Variants in KCNQ3 observed in about 807,000 individuals in gnomAD.
KCNQ3 encodes the protein potassium voltage-gated channel subfamily KQT member 3.
A neutral mutation model predicts 92.5 loss-of-function variants in KCNQ3; 30 were observed. That is an observed-to-expected ratio of 0.32 (90% confidence interval 0.24 to 0.44). The LOEUF (loss-of-function observed/expected upper bound fraction) is 0.44, where lower values mean the gene tolerates loss of function less well. Ranked by LOEUF, KCNQ3 falls within the 20% of genes least tolerant of loss-of-function variation. The probability of loss-of-function intolerance (pLI) is 1.00; values close to 1 mark genes in which losing one functional copy is unlikely to be tolerated. For synonymous variants in KCNQ3, 450 were observed against 468.8 expected, an observed-to-expected ratio of 0.96 and a Z score of 0.52; for missense variants, 913 against 1,140.3, an observed-to-expected ratio of 0.80 and a Z score of 2.87.
intron 1 of KCNQ3, among the ~76,000 whole-genome samples, chr8:132,453,509 C>T (rs996440880): frequency 3.0e-4 from 46 of 152,138 alleles, no homozygotes; most frequent in African/African-American, 1.0e-3. Context: ...ACAGTAGAGC[C>T]TGGGGCCTAA....
Position 132,403,019 on chromosome 8 carries a change from A to AAACAAAAAC in KCNQ3, c.386+77127_386+77128insGTTTTTGTT, listed in dbSNP as rs796634271. Among the ~76,000 whole-genome samples the AAACAAAAAC allele has an allele frequency of 1.9e-4, 29 of 148,838 alleles. 2 individuals are homozygous for AAACAAAAAC. The highest frequency in any genetic ancestry group is 7.2e-4 in the African/African-American group (29 of 40,336). On this transcript the variant is annotated intron_variant, in intron 1 of 14. Transcript: ENST00000388996. ...GCAACAGGGCGAGGCACCATCACAA[A>AAACAAAAAC]AAAAAAAAAAAAAGTGTCAATATTG...
In KCNQ3 at chr8:132,125,736, A is replaced by G. The variant is rs1056383961; in HGVS notation, c.*3526T>C. Reference sequence around the variant, plus strand: ...TGCATAATTGTTGATTAATTAGTTCATTTTAACCTATACACCTTGGGGTTA... The same window carrying G: ...TGCATAATTGTTGATTAATTAGTTCGTTTTAACCTATACACCTTGGGGTTA... On this transcript the variant is annotated 3_prime_UTR_variant, in exon 15 of 15. Transcript: ENST00000388996. 1 of 152,176 alleles carries G rather than the reference A, an allele frequency of 6.6e-6. No homozygotes were observed. The highest frequency in any genetic ancestry group is 1.5e-5 in the Non-Finnish European group (1 of 68,032). The allele number at this position is 152,176 out of a possible 1,614,324, so 9.4% of individuals were successfully genotyped here.
At chr8:132,429,998 T>C (rs1398191639) in intron 1 of KCNQ3, among the ~76,000 whole-genome samples, 1 of 152,124 alleles carries the variant, frequency 6.6e-6, no homozygotes, top group Non-Finnish European at 1.5e-5. Context: ...AAAAGTGTTT[T>C]CTCATTCTCA....
intron 1 of KCNQ3, among the ~76,000 whole-genome samples, chr8:132,213,500 GGCT>G (rs1813929852): frequency 6.6e-6 from 1 of 152,208 alleles, no homozygotes; most frequent in Non-Finnish European, 1.5e-5. Context: ...GTCCAAGAAT[GGCT>G]GCTGACAACT....
At chr8:132,332,196 G>A (rs762788142) in intron 1 of KCNQ3, among the ~76,000 whole-genome samples, 3 of 152,176 alleles carry the variant, frequency 2.0e-5, no homozygotes, top group Non-Finnish European at 4.4e-5. Context: ...ATGGAGAGGT[G>A]CCTGTGGGGA....
intron 1 of KCNQ3, among the ~76,000 whole-genome samples, chr8:132,290,902 G>A (rs1816818007): frequency 6.6e-6 from 1 of 152,172 alleles, no homozygotes; most frequent in South Asian, 2.1e-4. Flanking sequence ...TGTTCTGTCT[G>A]GAAGGGACAG....
At chr8:132,146,029 G>A (rs1457790651) in intron 9 of KCNQ3, among the ~76,000 whole-genome samples, 1 of 152,240 alleles carries the variant, frequency 6.6e-6, no homozygotes, top group Non-Finnish European at 1.5e-5. Context: ...GGCACCAGAT[G>A]AGATCAGAGT....
At position 132,208,630 on chromosome 8, in the gene KCNQ3, C is replaced by G. The variant is rs187013260; in HGVS notation, c.387-22449G>C. ...GAGGGGTAGTAAGGGAAAGGAATAT[C>G]AGGGTCAGAAAATATGATTTTAAGT... On this transcript the variant is annotated intron_variant, in intron 1 of 14. Transcript: ENST00000388996. Among the ~76,000 whole-genome samples, 6 of 152,220 alleles carry G rather than the reference C, an allele frequency of 3.9e-5. No individual in the cohort carries two copies. The East Asian group carries it at 9.7e-4, about 25-fold the overall frequency.
intron 1 of KCNQ3, among the ~76,000 whole-genome samples, chr8:132,455,238 A>G (rs933753023): frequency 6.6e-5 from 10 of 151,882 alleles, no homozygotes; most frequent in Non-Finnish European, 1.5e-4. Context: ...TCCCGAGTAG[A>G]TGGGATTACA....
At chr8:132,388,631 G>C (rs181487289) in intron 1 of KCNQ3, among the ~76,000 whole-genome samples, 1 of 152,164 alleles carries the variant, frequency 6.6e-6, no homozygotes, top group East Asian at 1.9e-4. Context: ...GATGAGAGGG[G>C]TTAAAGTTTC....
chr8:132,129,735 C>T lies in KCNQ3; in HGVS notation c.2146G>A (p.Asp716Asn), dbSNP rs149324120. Reference protein sequence around the residue: ...KVSPYGFFAHDPVNLPRGGPS... With the variant: ...KVSPYGFFAHNPVNLPRGGPS... ...CCCCCTCGGGGCAGGTTCACAGGGTCATGTGCAAAAAACCCATAGGGGCTG... is the reference window on the plus strand; with the variant it reads ...CCCCCTCGGGGCAGGTTCACAGGGTTATGTGCAAAAAACCCATAGGGGCTG... The change falls in exon 15 of 15, where the codon GAC (aspartate) becomes AAC (asparagine). Residue 716 changes from aspartate to asparagine, a missense_variant. Physicochemically the swap from Asp to Asn is conservative, Grantham distance 23 (BLOSUM62 1). Coordinates refer to ENST00000388996, the MANE Select transcript of KCNQ3 (RefSeq NM_004519.4). This position sits in a 1 kb window ranked among gnomAD's most constrained non-coding sequence, Gnocchi z 5.9. The T allele has an allele frequency of 2.5e-6, 4 of 1,614,114 alleles. No individual in the cohort carries two copies. In the South Asian group the frequency reaches 4.4e-5, roughly 18 times the overall value.
intron 1 of KCNQ3, among the ~76,000 whole-genome samples, chr8:132,198,247 G>A (rs931669141): frequency 6.6e-6 from 1 of 152,160 alleles, no homozygotes; most frequent in African/African-American, 2.4e-5. Context: ...TGAGCCTTTG[G>A]ATGAGCCCCC....
intron 1 of KCNQ3, among the ~76,000 whole-genome samples, chr8:132,245,681 G>A (rs1013519273): frequency 1.3e-4 from 20 of 151,936 alleles, no homozygotes; most frequent in Admixed American, 9.2e-4. Flanking sequence ...CACACTCAAC[G>A]TATCATTTTC....
At chr8:132,432,949 C>G (rs528906418) in intron 1 of KCNQ3, among the ~76,000 whole-genome samples, 3 of 152,148 alleles carry the variant, frequency 2.0e-5, no homozygotes, top group Non-Finnish European at 4.4e-5. Context: ...CAAACAGACA[C>G]GGCAACTACA....
At chr8:132,303,639 A>G (rs1198940345) in intron 1 of KCNQ3, among the ~76,000 whole-genome samples, 11 of 41,338 alleles carry the variant, frequency 2.7e-4, no homozygotes, top group East Asian at 3.5e-3. Context: ...TATGGTGTAT[A>G]TATATATATA....
At chr8:132,210,427 T>G (rs1190473599) in intron 1 of KCNQ3, among the ~76,000 whole-genome samples, 1 of 152,224 alleles carries the variant, frequency 6.6e-6, no homozygotes, top group African/African-American at 2.4e-5. Context: ...TCTGATACTT[T>G]GAGTAAGGAG....
chr8:132,357,755 C>T (rs887510453), intron 1 of KCNQ3, among the ~76,000 whole-genome samples: 1 of 152,202 alleles, frequency 6.6e-6, no homozygotes, highest in Non-Finnish European at 1.5e-5. Flanking sequence ...CACAGGACTA[C>T]AAGACAAGTC....
At chr8:132,239,376 T>C (rs550923239) in intron 1 of KCNQ3, among the ~76,000 whole-genome samples, 1 of 152,324 alleles carries the variant, frequency 6.6e-6, no homozygotes, top group Admixed American at 6.5e-5. Context: ...ATTGAGGAAA[T>C]TTAACACCTC....
intron 1 of KCNQ3, among the ~76,000 whole-genome samples, chr8:132,406,476 A>C (rs897979411): frequency 1.3e-5 from 2 of 151,670 alleles, no homozygotes; most frequent in African/African-American, 4.9e-5. Flanking sequence ...TGTCAGTCTC[A>C]CCCCCTCCAC....
Sources: gnomAD v4.1 joint callset for allele counts (sites outside exome capture counted in the v4.1 genomes callset) on GRCh38, gnomAD v4.1.1 for gene constraint, Gnocchi (gnomAD v3.1) non-coding constraint, MANE v1.5 for transcripts, NCBI Gene and HGNC (gene_info 2026-07-23, HGNC 2026-07-21) for gene names.